The following ARHGAP10 variants were observed in gnomAD, a reference collection of about 807,000 sequenced individuals.
The protein encoded by ARHGAP10 is rho GTPase-activating protein 10.
ARHGAP10 carries 87 observed loss-of-function variants against 108.6 expected under a neutral mutation model. The ratio of observed to expected loss-of-function variants is 0.80; its 90% CI spans 0.67 to 0.96. ARHGAP10 has a LOEUF of 0.96. ARHGAP10 is among the 40% of genes least tolerant of loss of function. ARHGAP10 has a pLI of 0.00. For missense variants in ARHGAP10, 939 were observed against 954.5 expected (o/e 0.98, Z 0.21); for synonymous variants, 347 against 341.1 (o/e 1.02, Z -0.19).
chr4:148,037,902 A>G (rs956377722), intron 19 of ARHGAP10, among the ~76,000 whole-genome samples: 5 of 151,980 alleles, frequency 3.3e-5, no homozygotes, highest in Middle Eastern at 3.2e-3. Context: ...TTAAAATTCA[A>G]TTGTTGGTTC....
At chr4:147,852,440 A>G (rs1000543221) in intron 4 of ARHGAP10, among the ~76,000 whole-genome samples, 7 of 152,138 alleles carry the variant, frequency 4.6e-5, no homozygotes, top group Admixed American at 2.0e-4. Context: ...TAGAGAGGCT[A>G]GAGGAGCTTA....
At chr4:147,804,543 T>C (rs1731706670) in intron 1 of ARHGAP10, among the ~76,000 whole-genome samples, 1 of 152,242 alleles carries the variant, frequency 6.6e-6, no homozygotes, top group Admixed American at 6.5e-5. Context: ...CTGGGTCAAA[T>C]GGTAGTTCTG....
chr4:148,048,040 C>G (rs1277840018), intron 20 of ARHGAP10, among the ~76,000 whole-genome samples: 2 of 152,180 alleles, frequency 1.3e-5, no homozygotes, highest in Admixed American at 6.5e-5. Context: ...CCAGGCTGGT[C>G]TCAGACTCCT....
At chr4:147,766,813 TATATATATATATATATATATATA>T (rs1180736005) in intron 1 of ARHGAP10, among the ~76,000 whole-genome samples, 145 of 5,712 alleles carry the variant, frequency 0.025, 1 homozygote, top group East Asian at 0.21. Flanking sequence ...TATATATATA[TATATATATATATATATATATATA>T]TATTTATTTA....
At chr4:147,783,456 T>G (rs1343500839) in intron 1 of ARHGAP10, among the ~76,000 whole-genome samples, 1 of 144,522 alleles carries the variant, frequency 6.9e-6, no homozygotes, top group African/African-American at 2.5e-5. Context: ...ATAGCACACA[T>G]TAAATTATGT....
chr4:147,899,881 T>G (rs984761148), intron 10 of ARHGAP10, among the ~76,000 whole-genome samples: 1 of 151,918 alleles, frequency 6.6e-6, no homozygotes, highest in Non-Finnish European at 1.5e-5. Flanking sequence ...GCTGGGTTTT[T>G]TTTTTTTTTT....
intron 1 of ARHGAP10, among the ~76,000 whole-genome samples, chr4:147,798,767 CTCTCTCTCTCTCTCTA>C (rs1731442579): frequency 1.1e-3 from 7 of 6,648 alleles, no homozygotes; most frequent in Admixed American, 3.1e-3. Context: ...CTCTCTCTCT[CTCTCTCTCTCTCTCTA>C]TATATATATA....
Position 147,807,477 on chromosome 4 carries a change from G to C in ARHGAP10, c.155-15250G>C, listed in dbSNP as rs145010096. Among the ~76,000 whole-genome samples, 171 of 152,026 alleles carry C rather than the reference G, an allele frequency of 1.1e-3. 1 individual carries two copies. Among genetic ancestry groups the C allele is most frequent in the African/African-American group, 3.8e-3 (157 of 41,504 alleles). Reference sequence around the variant, plus strand: ...AATGTAGGAAAATTAGAAAATTAAAGAGAATTTTTCTGAAATGGTCAGGAA... The same window carrying C: ...AATGTAGGAAAATTAGAAAATTAAACAGAATTTTTCTGAAATGGTCAGGAA... On this transcript the variant is annotated intron_variant, in intron 1 of 22. Coordinates refer to ENST00000336498, the MANE Select transcript of ARHGAP10 (RefSeq NM_024605.4).
intron 18 of ARHGAP10, among the ~76,000 whole-genome samples, chr4:148,020,489 G>T (rs1202354411): frequency 6.6e-6 from 1 of 151,682 alleles, no homozygotes; most frequent in Non-Finnish European, 1.5e-5. Flanking sequence ...TTCACCCCAG[G>T]TGTCCATGGG....
chr4:147,781,562 A>G (rs1361095007), intron 1 of ARHGAP10, among the ~76,000 whole-genome samples: 1 of 152,142 alleles, frequency 6.6e-6, no homozygotes, highest in Non-Finnish European at 1.5e-5. Flanking sequence ...AAAAAAGGGT[A>G]TAGTAGTCCT....
intron 1 of ARHGAP10, among the ~76,000 whole-genome samples, chr4:147,747,167 C>T (rs1370854071): frequency 3.1e-4 from 47 of 149,300 alleles, no homozygotes; most frequent in African/African-American, 1.1e-3. Flanking sequence ...TTTTTTTTTT[C>T]CCCCAAAGTA....
intron 19 of ARHGAP10, among the ~76,000 whole-genome samples, chr4:148,046,013 C>A (rs1041094180): frequency 2.0e-5 from 3 of 152,146 alleles, no homozygotes; most frequent in African/African-American, 7.2e-5. Context: ...GCAGGGTTGC[C>A]TGGAGCAGTT....
At chr4:148,071,827 G>C (rs996920375) in intron 22 of ARHGAP10, among the ~76,000 whole-genome samples, 166 bp from the exon 23 acceptor site, 11 of 149,918 alleles carry the variant, frequency 7.3e-5, no homozygotes, top group African/African-American at 2.7e-4. Flanking sequence ...GGCCAGTGCA[G>C]GGAGGCAGAG....
intron 19 of ARHGAP10, among the ~76,000 whole-genome samples, chr4:148,043,778 A>G (rs34313322): frequency 0.018 from 2,661 of 144,480 alleles, 40 homozygotes; most frequent in Non-Finnish European, 0.026. Flanking sequence ...ATATATATGT[A>G]TATATATATG....
chr4:147,892,774 C>T lies in ARHGAP10; in HGVS notation c.1034+10842C>T, dbSNP rs144951073. Among the ~76,000 whole-genome samples the T allele has an allele frequency of 9.2e-5, 14 of 152,150 alleles. No individual in the cohort carries two copies. The East Asian group carries it at 1.9e-3, about 21-fold the overall frequency. The stretch of plus-strand genomic sequence containing the variant: ...TAAATCAGAGGTTCTCAACTGTGGG[C>T]GATGTTGCTCCTAGGGGACACTGGG... On this transcript the variant is annotated intron_variant, in intron 10 of 22. Coordinates refer to ENST00000336498, the MANE Select transcript of ARHGAP10 (RefSeq NM_024605.4).
intron 1 of ARHGAP10, among the ~76,000 whole-genome samples, chr4:147,794,969 C>T (rs527254785): frequency 4.3e-4 from 66 of 152,272 alleles, no homozygotes; most frequent in African/African-American, 1.5e-3. Context: ...TTGAGGTTTC[C>T]AGCTGCTTTT....
chr4:147,844,018 CT>C (rs1359750591), intron 3 of ARHGAP10, among the ~76,000 whole-genome samples: 4 of 152,152 alleles, frequency 2.6e-5, no homozygotes, highest in Non-Finnish European at 2.9e-5. Context: ...ACCTAGGTGT[CT>C]CTTCTAGGCT....
intron 18 of ARHGAP10, among the ~76,000 whole-genome samples, chr4:147,988,189 T>C (rs1212440872): frequency 6.6e-6 from 1 of 152,202 alleles, no homozygotes; most frequent in Non-Finnish European, 1.5e-5. Flanking sequence ...GTCAACATAG[T>C]TTTAGGTAGA....
chr4:148,064,342 G>A (rs911081224), intron 21 of ARHGAP10, 74 bp from the exon 22 acceptor site: 4 of 1,363,430 alleles, frequency 2.9e-6, no homozygotes, highest in Admixed American at 2.0e-5. Flanking sequence ...TTTGGGGAAG[G>A]GGGGTTGGGG....
Sources: gnomAD v4.1 joint callset for allele counts (sites outside exome capture counted in the v4.1 genomes callset) on GRCh38, gnomAD v4.1.1 for gene constraint, MANE v1.5 for transcripts, NCBI Gene and HGNC (gene_info 2026-07-23, HGNC 2026-07-21) for gene names.